The following TSPAN1 variants were observed in gnomAD, a reference collection of about 807,000 sequenced individuals.
The protein encoded by TSPAN1 is tetraspanin-1.
A neutral mutation model predicts 26.9 loss-of-function variants in TSPAN1; 23 were observed. The observed-to-expected ratio is 0.85, with a 90% confidence interval of 0.62 to 1.21. The LOEUF (loss-of-function observed/expected upper bound fraction) is 1.21, where lower values mean the gene tolerates loss of function less well. Ranked by LOEUF, TSPAN1 falls within the 50% of genes most tolerant of loss-of-function variation. The pLI, the probability that TSPAN1 is intolerant of heterozygous loss-of-function variation, is 0.00. For missense variants in TSPAN1, 283 were observed against 298.4 expected (o/e 0.95, Z 0.38); for synonymous variants, 115 against 114.8 (o/e 1.00, Z -0.01).
intron 1 of TSPAN1, among the ~76,000 whole-genome samples, chr1:46,179,185 C>T (rs1016692149): frequency 1.3e-5 from 2 of 151,716 alleles, no homozygotes; most frequent in East Asian, 1.9e-4. Flanking sequence ...GCTTGAGTGC[C>T]GGCAAATACC....
At chr1:46,176,150 C>T in intron 1 of TSPAN1, 2 of 1,489,292 alleles carry the variant, frequency 1.3e-6, no homozygotes, top group Admixed American at 2.0e-5. Flanking sequence ...GCCGGGATTA[C>T]AGGCATGAGC....
intron 3 of TSPAN1, among the ~76,000 whole-genome samples, chr1:46,182,815 G>T (rs1557665092): frequency 6.6e-6 from 1 of 151,812 alleles, no homozygotes; most frequent in African/African-American, 2.4e-5. Context: ...TGTTGTTGTT[G>T]TTTGTTTCTT....
Position 46,185,536 on chromosome 1 carries a change from C to T in TSPAN1, c.*3C>T, listed in dbSNP as rs1657412177. On this transcript the variant is annotated 3_prime_UTR_variant, in exon 9 of 9. Coordinates refer to ENST00000372003, the MANE Select transcript of TSPAN1 (RefSeq NM_005727.4). ...ATCTGTACTGCAATCTACAATAAGTCCACTTCTGCCTCTGCCACTACTGCT... is the reference window on the plus strand; with the variant it reads ...ATCTGTACTGCAATCTACAATAAGTTCACTTCTGCCTCTGCCACTACTGCT... The T allele has an allele frequency of 6.2e-7, 1 of 1,614,160 alleles. No homozygotes were observed. Among genetic ancestry groups the T allele is most frequent in the Non-Finnish European group, 8.5e-7 (1 of 1,180,020 alleles).
chr1:46,189,743 TAA>T (rs1657602514), downstream of TSPAN1: 1 of 1,567,040 alleles, frequency 6.4e-7, no homozygotes, highest in Non-Finnish European at 8.7e-7. Flanking sequence ...TCTAAGAGTA[TAA>T]AGAGGAGGTT....
the TSPAN1 span, chr1:46,195,014 G>T: frequency 6.5e-7 from 1 of 1,546,320 alleles, no homozygotes; most frequent in Non-Finnish European, 8.9e-7. Context: ...CAGGAGACCT[G>T]GCCTCACAGA....
chr1:46,177,096 A>C (rs892362365), intron 1 of TSPAN1, among the ~76,000 whole-genome samples: 1 of 152,164 alleles, frequency 6.6e-6, no homozygotes, highest in Non-Finnish European at 1.5e-5. Context: ...GCACTTTGGG[A>C]GGCCGAGGTG....
chr1:46,189,101 G>T, downstream of TSPAN1: 1 of 1,501,122 alleles, frequency 6.7e-7, no homozygotes, highest in Non-Finnish European at 8.9e-7. Flanking sequence ...TCAGGAACGG[G>T]GTGTTGGAGC....
downstream of TSPAN1, chr1:46,189,209 G>A (rs753078397): frequency 6.4e-7 from 1 of 1,567,042 alleles, no homozygotes; most frequent in Non-Finnish European, 8.6e-7. Context: ...CAGGATGGAG[G>A]GAAGGGCTAG....
intron 1 of TSPAN1, among the ~76,000 whole-genome samples, chr1:46,177,638 C>A (rs1415593928): frequency 6.6e-6 from 1 of 152,136 alleles, no homozygotes; most frequent in Non-Finnish European, 1.5e-5. Context: ...CATTTGTTTA[C>A]TCTATGAAAA....
chr1:46,196,083 C>A, the TSPAN1 span: 1 of 1,613,974 alleles, frequency 6.2e-7, no homozygotes, highest in Middle Eastern at 1.7e-4. The surrounding 1 kb of genome is among the most constrained non-coding windows in gnomAD (Gnocchi z 4.4). Flanking sequence ...AGCACCTACA[C>A]AGTGGCAGAG....
the TSPAN1 span, chr1:46,191,136 G>C: frequency 1.1e-5 from 4 of 351,772 alleles, no homozygotes; most frequent in East Asian, 1.5e-4. Context: ...GCAAAGGGAC[G>C]GGCTGGGCTG....
At chr1:46,177,351 A>ATATCTATC (rs71062742) in intron 1 of TSPAN1, among the ~76,000 whole-genome samples, 2,841 of 147,732 alleles carry the variant, frequency 0.019, 65 homozygotes, top group East Asian at 0.061. Flanking sequence ...AAAAAAAAAT[A>ATATCTATC]TATCTATCTA....
downstream of TSPAN1, chr1:46,190,753 G>A (rs769180238): frequency 2.2e-5 from 36 of 1,613,752 alleles, no homozygotes; most frequent in South Asian, 5.5e-5. Context: ...ACCTGGAACC[G>A]TGTTGAACTT....
At chr1:46,194,802 G>C in the TSPAN1 span, 1 of 1,613,610 alleles carries the variant, frequency 6.2e-7, no homozygotes, top group Non-Finnish European at 8.5e-7. Context: ...GCTCCTCCCA[G>C]GCTCTTGATA....
the TSPAN1 span, chr1:46,193,222 G>T: frequency 6.2e-7 from 1 of 1,614,200 alleles, no homozygotes; most frequent in Non-Finnish European, 8.5e-7. Flanking sequence ...AGTGCTGGGA[G>T]TGGGGTGGGA....
downstream of TSPAN1, among the ~76,000 whole-genome samples, chr1:46,188,443 G>A (rs1283455318): frequency 6.6e-6 from 1 of 152,190 alleles, no homozygotes; most frequent in Admixed American, 6.5e-5. Flanking sequence ...GTGGGGAAGA[G>A]GTAGGGTGGC....
At position 46,185,230 on chromosome 1, in the gene TSPAN1, C is replaced by T. The variant is rs2148148144; in HGVS notation, c.600C>T (p.Cys200=). ...GCTCTTTTCTCTTCCTGAAGGGTTG[C>T]TTCAATCAGCTTTTGTATGACATCC... ...QKAHDQKVEG[C]FNQLLYDIRT... Residue 200 remains cysteine, a synonymous_variant, in exon 8 of 9, where the codon TGC becomes TGT. Transcript: ENST00000372003. 2 of 1,614,162 alleles carry T rather than the reference C, an allele frequency of 1.2e-6. No individual in the cohort carries two copies. The highest frequency in any genetic ancestry group is 1.1e-5 in the South Asian group (1 of 91,080).
At chr1:46,185,145 G>A (rs754308931) in intron 7 of TSPAN1, 30 bp downstream of exon 7, 13 of 1,614,080 alleles carry the variant, frequency 8.1e-6, no homozygotes, top group Admixed American at 6.7e-5. Flanking sequence ...GGTGGGGACT[G>A]TTTTCATGGC....
chr1:46,194,869 T>A, the TSPAN1 span: 1 of 1,614,168 alleles, frequency 6.2e-7, no homozygotes, highest in South Asian at 1.1e-5. Context: ...CGAAGGCCCA[T>A]GTGTCCCTCC....
Sources: allele counts gnomAD v4.1 joint callset (sites outside exome capture counted in the v4.1 genomes callset), GRCh38; gene constraint gnomAD v4.1.1; non-coding constraint Gnocchi (gnomAD v3.1); transcripts MANE v1.5; gene names NCBI Gene and HGNC (gene_info 2026-07-23, HGNC 2026-07-21).